Variants in ST6GALNAC3 observed in about 807,000 individuals in gnomAD.
ST6GALNAC3 encodes the protein ST6 N-acetylgalactosaminide alpha-2,6-sialyltransferase 3.
Under a neutral mutation model 32.7 loss-of-function variants are expected in ST6GALNAC3, and 25 were observed. The ratio of observed to expected loss-of-function variants is 0.76; its 90% CI spans 0.56 to 1.07. The LOEUF is 1.07. Among genes scored for constraint, ST6GALNAC3 ranks in the 50% least tolerant of loss-of-function variants. The pLI, the probability that ST6GALNAC3 is intolerant of heterozygous loss-of-function variation, is 0.00. For missense variants in ST6GALNAC3, 355 were observed against 382.4 expected, an observed-to-expected ratio of 0.93 and a Z score of 0.60; for synonymous variants, 129 against 133.1, an observed-to-expected ratio of 0.97 and a Z score of 0.21.
chr1:76,415,973 C>T (rs969997880), intron 3 of ST6GALNAC3, among the ~76,000 whole-genome samples: 1 of 150,954 alleles, frequency 6.6e-6, no homozygotes, highest in African/African-American at 2.4e-5. Flanking sequence ...CTTCTTTTTA[C>T]CATGCTGACA....
At chr1:76,434,651 A>G (rs1441143667) in intron 3 of ST6GALNAC3, among the ~76,000 whole-genome samples, 6 of 152,144 alleles carry the variant, frequency 3.9e-5, no homozygotes, top group Non-Finnish European at 8.8e-5. Context: ...AAGTTAAATT[A>G]AACTATTTTT....
chr1:76,529,419 A>G (rs960476802), intron 3 of ST6GALNAC3, among the ~76,000 whole-genome samples: 2 of 152,190 alleles, frequency 1.3e-5, no homozygotes, highest in African/African-American at 4.8e-5. Flanking sequence ...GAAGTGCTAT[A>G]TAAGTGTCAA....
intron 3 of ST6GALNAC3, among the ~76,000 whole-genome samples, chr1:76,575,403 T>C (rs1646785952): frequency 6.6e-6 from 1 of 152,092 alleles, no homozygotes; most frequent in African/African-American, 2.4e-5. Flanking sequence ...TCACCAAACA[T>C]GCATTGAGCA....
At chr1:76,569,187 C>G in intron 3 of ST6GALNAC3, among the ~76,000 whole-genome samples, 1 of 152,106 alleles carries the variant, frequency 6.6e-6, no homozygotes, top group East Asian at 1.9e-4. Flanking sequence ...GGGAAAGCAA[C>G]AAAAACAAAA....
intron 1 of ST6GALNAC3, among the ~76,000 whole-genome samples, chr1:76,114,917 CAA>C (rs542571151): frequency 4.4e-4 from 35 of 78,932 alleles, no homozygotes; most frequent in Non-Finnish European, 5.5e-4. Context: ...GACCTTGTCT[CAA>C]AAAAAAAAAA....
At chr1:76,446,454 T>G (rs1656973781) in intron 3 of ST6GALNAC3, among the ~76,000 whole-genome samples, 1 of 152,226 alleles carries the variant, frequency 6.6e-6, no homozygotes, top group Admixed American at 6.5e-5. Context: ...AAGAGTAGTT[T>G]CATTGTCCTA....
chr1:76,268,172 T>G (rs1658643478), intron 1 of ST6GALNAC3, among the ~76,000 whole-genome samples: 1 of 152,220 alleles, frequency 6.6e-6, no homozygotes, highest in African/African-American at 2.4e-5. Flanking sequence ...GCACAAAATA[T>G]ATCTTTCTCC....
chr1:76,171,206 C>G (rs1652474981), intron 1 of ST6GALNAC3, among the ~76,000 whole-genome samples: 1 of 152,066 alleles, frequency 6.6e-6, no homozygotes, highest in Non-Finnish European at 1.5e-5. Flanking sequence ...CAACTGACAG[C>G]TACCTCCCAC....
At chr1:76,516,117 C>T (rs760169098) in intron 3 of ST6GALNAC3, among the ~76,000 whole-genome samples, 2 of 152,134 alleles carry the variant, frequency 1.3e-5, no homozygotes, top group Non-Finnish European at 2.9e-5. Context: ...GATGGGCATG[C>T]ATATGCTGGA....
rs138986165 is a variant in ST6GALNAC3, at chr1:76,389,011, C to CTTTTTT, written c.214-22997_214-22996insTTTTTT. The stretch of plus-strand genomic sequence containing the variant: ...GGTGTGGTTGTTAGTTGGTATATTT[C>CTTTTTT]CTTTTTTTTTTTTTTTTGAGACAGA... On this transcript the variant is annotated intron_variant, in intron 2 of 4. Transcript: ENST00000328299. 4.8e-4 allele frequency among the ~76,000 whole-genome samples: 52 copies of CTTTTTT among 107,904 alleles called. 8 individuals carry two copies. The highest frequency in any genetic ancestry group is 5.7e-4 in the Non-Finnish European group (32 of 56,174). 70.8% of individuals were successfully genotyped at this position (107,904 alleles called of 152,430 possible). A position where few individuals can be genotyped will look rare whatever the true frequency, so the allele number is the denominator to read the frequency against.
chr1:76,459,106 A>T (rs1196620950), intron 3 of ST6GALNAC3, among the ~76,000 whole-genome samples: 1 of 152,126 alleles, frequency 6.6e-6, no homozygotes, highest in Non-Finnish European at 1.5e-5. Flanking sequence ...TTAGCAGTTT[A>T]TGTACCCCTG....
chr1:76,494,195 T>C (rs1660664984), intron 3 of ST6GALNAC3, among the ~76,000 whole-genome samples: 1 of 151,876 alleles, frequency 6.6e-6, no homozygotes, highest in African/African-American at 2.4e-5. Flanking sequence ...CCACATCCTG[T>C]TCTTCCTAGA....
intron 3 of ST6GALNAC3, among the ~76,000 whole-genome samples, chr1:76,506,670 A>G (rs992406661): frequency 1.3e-5 from 2 of 152,202 alleles, no homozygotes; most frequent in East Asian, 3.9e-4. Flanking sequence ...ATTCCAAAGG[A>G]GACACTAATA....
intron 1 of ST6GALNAC3, among the ~76,000 whole-genome samples, chr1:76,272,307 G>T (rs1658891663): frequency 7.1e-6 from 1 of 140,860 alleles, no homozygotes; most frequent in African/African-American, 2.6e-5. Flanking sequence ...TGGGTGACAG[G>T]GCAAGACTCA....
chr1:76,436,648 C>T (rs1230039911), intron 3 of ST6GALNAC3, among the ~76,000 whole-genome samples: 1 of 152,066 alleles, frequency 6.6e-6, no homozygotes, highest in East Asian at 1.9e-4. Flanking sequence ...GTACCAGGTA[C>T]CGTGCCAATT....
chr1:76,210,451 T>C (rs952442757), intron 1 of ST6GALNAC3, among the ~76,000 whole-genome samples: 4 of 152,222 alleles, frequency 2.6e-5, no homozygotes, highest in African/African-American at 4.8e-5. Context: ...TTATCTATAT[T>C]GAACCAAGTC....
intron 1 of ST6GALNAC3, among the ~76,000 whole-genome samples, chr1:76,267,913 C>T (rs985366114): frequency 1.2e-4 from 18 of 152,190 alleles, no homozygotes; most frequent in African/African-American, 4.1e-4. Context: ...CTACCTTCTG[C>T]AGTATAGAGA....
At chr1:76,087,629 C>T (rs1646982333) in intron 1 of ST6GALNAC3, among the ~76,000 whole-genome samples, 1 of 152,176 alleles carries the variant, frequency 6.6e-6, no homozygotes, top group African/African-American at 2.4e-5. Context: ...CCCACAGGCT[C>T]ATGAGGTACA....
At chr1:76,525,956 C>T (rs1662887487) in intron 3 of ST6GALNAC3, among the ~76,000 whole-genome samples, 1 of 151,016 alleles carries the variant, frequency 6.6e-6, no homozygotes, top group Non-Finnish European at 1.5e-5. Context: ...AGCAGACTCT[C>T]AAGTTCCAAA....
Sources: allele counts gnomAD v4.1 joint callset (sites outside exome capture counted in the v4.1 genomes callset), GRCh38; gene constraint gnomAD v4.1.1; transcripts MANE v1.5; gene names NCBI Gene and HGNC (gene_info 2026-07-23, HGNC 2026-07-21).